PLCH2: variants seen among roughly 807,000 people sequenced by gnomAD.
PLCH2 encodes the protein 1-phosphatidylinositol 4,5-bisphosphate phosphodiesterase eta-2.
PLCH2 carries 98 observed loss-of-function variants against 134.7 expected under a neutral mutation model. The observed-to-expected ratio is 0.73, with a 90% CI of 0.62 to 0.86. The LOEUF is 0.86. PLCH2 is among the 40% of genes least tolerant of loss of function. PLCH2 has a pLI of 0.00. For missense variants in PLCH2, 1,994 were observed against 1,986.6 expected, an observed-to-expected ratio of 1.00 and a Z score of -0.07; for synonymous variants, 974 against 827.5, an observed-to-expected ratio of 1.18 and a Z score of -3.04.
intron 1 of PLCH2, among the ~76,000 whole-genome samples, chr1:2,477,166 C>T (rs534295906): frequency 8.0e-4 from 121 of 152,180 alleles, no homozygotes; most frequent in African/African-American, 2.8e-3. Context: ...CTTGTGGTGG[C>T]CTGTGGAGGG....
intron 2 of PLCH2, among the ~76,000 whole-genome samples, chr1:2,458,901 T>C (rs1570328916): frequency 6.6e-6 from 1 of 152,250 alleles, no homozygotes; most frequent in African/African-American, 2.4e-5. Flanking sequence ...TGCGCTGTGA[T>C]GTGTGCTTGG....
intron 2 of PLCH2, among the ~76,000 whole-genome samples, chr1:2,445,575 G>A (rs1476697510): frequency 3.3e-5 from 5 of 151,810 alleles, no homozygotes; most frequent in African/African-American, 7.3e-5. Context: ...CTGGGGGTAC[G>A]GGGGAGGGTG....
Position 2,459,491 on chromosome 1 carries a change from G to A in PLCH2, c.116-18985G>A, listed in dbSNP as rs1214936485. Among the ~76,000 whole-genome samples, 29 of 69,472 alleles carry A rather than the reference G, an allele frequency of 4.2e-4. 5 individuals carry two copies. Among genetic ancestry groups the A allele is most frequent in the Middle Eastern group, 8.2e-3 (1 of 122 alleles). The allele number at this position is 69,472 out of a possible 152,430, so 45.6% of individuals were successfully genotyped here. On this transcript the variant is annotated intron_variant, in intron 2 of 3. Transcript: ENST00000609981. ...CTCCTTCCTGGTGGTCCTCCTTCCTGGTGGTCCTCCTTCCTGGTGGTCCTC... is the reference window on the plus strand; with the variant it reads ...CTCCTTCCTGGTGGTCCTCCTTCCTAGTGGTCCTCCTTCCTGGTGGTCCTC...
At chr1:2,469,825 A>G (rs1469414849) in intron 1 of PLCH2, among the ~76,000 whole-genome samples, 1 of 152,220 alleles carries the variant, frequency 6.6e-6, no homozygotes, top group African/African-American at 2.4e-5. Flanking sequence ...CACCATCCCC[A>G]GGACAGGACG....
At chr1:2,469,874 C>T (rs555163995) in intron 1 of PLCH2, among the ~76,000 whole-genome samples, 9 of 152,306 alleles carry the variant, frequency 5.9e-5, no homozygotes, top group East Asian at 1.9e-4. Flanking sequence ...CCGTGGTGGC[C>T]GCAGGCATGG....
chr1:2,502,514 T>G (rs1311446455), intron 21 of PLCH2, 105 bp downstream of exon 21: 5 of 1,171,574 alleles, frequency 4.3e-6, no homozygotes, highest in Non-Finnish European at 6.2e-6. Context: ...ATGCATGAAG[T>G]GTGTGGTGGG....
intron 4 of PLCH2, among the ~76,000 whole-genome samples, chr1:2,482,409 G>A (rs970408748): frequency 1.3e-5 from 2 of 152,172 alleles, no homozygotes; most frequent in Non-Finnish European, 2.9e-5. Flanking sequence ...GGCTGTCCTG[G>A]GTGCAGTGAG....
In PLCH2 at chr1:2,504,398, T is replaced by A. The variant is rs1643417932; in HGVS notation, c.3436T>A (p.Ser1146Thr). 6.2e-7 allele frequency: 1 copy of A among 1,611,796 alleles called. No individual in the cohort carries two copies. The change falls in exon 22 of 22, where the codon TCC becomes ACC. Residue 1146 changes from serine to threonine, a missense_variant. By Grantham distance (58) the Ser-to-Thr change is moderately conservative. Around this residue, in one of 2 missense-constraint regions of PLCH2, gnomAD observed 900 missense variants for 752.3 expected, o/e 1.20. Coordinates refer to ENST00000378486, the MANE Select transcript of PLCH2 (RefSeq NM_014638.4). ...PCGHRDSVSSSSSMSSSDTVI... is the reference protein window; with the variant it reads ...PCGHRDSVSSTSSMSSSDTVI... Reference sequence around the variant, plus strand: ...TGGCCACCGAGACAGCGTTTCCTCCTCCTCCAGCATGTCATCCAGCGACAC... The same window carrying A: ...TGGCCACCGAGACAGCGTTTCCTCCACCTCCAGCATGTCATCCAGCGACAC...
Position 2,505,394 on chromosome 1 carries a change from C to A in PLCH2, c.*181C>A, listed in dbSNP as rs1445991171. 1.4e-5 allele frequency: 8 copies of A among 582,394 alleles called. No individual in the cohort carries two copies. The highest frequency in any genetic ancestry group is 9.1e-5 in the East Asian group (3 of 32,960). 36.1% of individuals were successfully genotyped at this position (582,394 alleles called of 1,614,324 possible). On this transcript the variant is annotated 3_prime_UTR_variant, in exon 22 of 22. Transcript: ENST00000378486. ...GGGAGGAAAGGCTAAAGCTGCTGGC[C>A]CGGGGCCCACAGGAGGGGCTTCGAG...
At chr1:2,464,830 A>G (rs1640981342), upstream of PLCH2, among the ~76,000 whole-genome samples, 2 of 152,196 alleles carry the variant, frequency 1.3e-5, no homozygotes, top group Admixed American at 1.3e-4. Flanking sequence ...GGTGGGCAGC[A>G]TGGAGGTCAG....
In PLCH2 at chr1:2,479,807, C is replaced by T. The variant is rs1241525249; in HGVS notation, c.345C>T (p.Ser115=). The T allele has an allele frequency of 5.0e-6, 8 of 1,594,572 alleles. No individual in the cohort carries two copies. In the Admixed American group the frequency reaches 7.0e-5, roughly 14 times the overall value. ...SEVFQRYPDG[S]FDPNCCFSIY... ...TCTTCCAGCGCTACCCTGACGGCAG[C>T]TTCGACCCCAACTGCTGCTTCAGCA... Residue 115 remains serine, a synonymous_variant, in exon 3 of 22, where the codon AGC becomes AGT. Transcript: ENST00000378486.
intron 15 of PLCH2, 133 bp from the exon 16 acceptor site, chr1:2,497,369 A>G (rs1275355160): frequency 3.2e-6 from 2 of 630,728 alleles, no homozygotes; most frequent in Admixed American, 2.5e-5. Context: ...TCCCATTCAC[A>G]TTGGGTGAAC....
At chr1:2,491,356 A>G in intron 11 of PLCH2, 21 bp downstream of exon 11, 1 of 1,605,616 alleles carries the variant, frequency 6.2e-7, no homozygotes, top group African/African-American at 1.3e-5. Flanking sequence ...AAAAGGTGAC[A>G]CCCCTGATGC....
intron 15 of PLCH2, 128 bp from the exon 16 acceptor site, chr1:2,497,374 G>T (rs1023510167): frequency 2.9e-6 from 2 of 684,338 alleles, no homozygotes; most frequent in African/African-American, 3.6e-5. Flanking sequence ...TTCACATTGG[G>T]TGAACGAGGG....
intron 2 of PLCH2, among the ~76,000 whole-genome samples, chr1:2,454,200 C>T (rs1349940280): frequency 6.6e-6 from 1 of 152,216 alleles, no homozygotes; most frequent in Non-Finnish European, 1.5e-5. Context: ...GCAGGAACTG[C>T]CTGTTCCCTT....
In PLCH2 at chr1:2,484,529, G is replaced by T; in HGVS notation, c.727G>T (p.Asp243Tyr). Residue 243 changes from aspartate to tyrosine, a missense_variant, in exon 5 of 22, where the codon GAC (aspartate) becomes TAC (tyrosine). Physicochemically the swap from Asp to Tyr is radical, Grantham distance 160 (BLOSUM62 -3). Transcript: ENST00000378486. ...CTACAAGATGATGTCCACCCGCCGG[G>T]ACCTCTACCTGCTCATGCTGACCTA... ...AFYKMMSTRR[D>Y]LYLLMLTYSN... The T allele has an allele frequency of 6.2e-7, 1 of 1,613,366 alleles. No individual in the cohort carries two copies. The highest frequency in any genetic ancestry group is 8.5e-7 in the Non-Finnish European group (1 of 1,179,804).
upstream of PLCH2, among the ~76,000 whole-genome samples, chr1:2,422,378 A>C (rs1638563169): frequency 6.6e-6 from 1 of 152,248 alleles, no homozygotes; most frequent in East Asian, 1.9e-4. Flanking sequence ...CAGTGAGAAG[A>C]GGGACGTGGC....
intron 2 of PLCH2, among the ~76,000 whole-genome samples, chr1:2,450,586 C>A (rs12080030): frequency 0.024 from 2,247 of 94,362 alleles, 142 homozygotes; most frequent in African/African-American, 0.1. Context: ...CCTTCCCCCT[C>A]ACTCCCCACC....
intron 21 of PLCH2, chr1:2,502,782 T>G (rs113468254): frequency 7.0e-6 from 5 of 716,420 alleles, no homozygotes; most frequent in Non-Finnish European, 1.3e-5. Flanking sequence ...AGCCCGGGCA[T>G]CCCCGAAAGG....
Sources: gnomAD v4.1 joint callset for allele counts (sites outside exome capture counted in the v4.1 genomes callset) on GRCh38, gnomAD v4.1.1 for gene constraint, gnomAD v4.1.1 regional missense constraint, MANE v1.5 for transcripts, NCBI Gene and HGNC (gene_info 2026-07-23, HGNC 2026-07-21) for gene names.